GXYLT2: variants seen among roughly 807,000 people sequenced by gnomAD.
GXYLT2 encodes the protein glycosyltransferase 8 domain containing 4.
In GXYLT2, 53 loss-of-function variants were observed where a neutral mutation model predicts 45.8. The observed-to-expected ratio is 1.16, with a 90% CI of 0.93 to 1.46. The LOEUF (loss-of-function observed/expected upper bound fraction) is 1.46, where lower values mean the gene tolerates loss of function less well. Among genes scored for constraint, GXYLT2 ranks in the 40% most tolerant of loss-of-function variants. GXYLT2 has a pLI of 0.00. For synonymous variants in GXYLT2, 219 were observed against 214.2 expected, an observed-to-expected ratio of 1.02 and a Z score of -0.19; for missense variants, 551 against 544.4, an observed-to-expected ratio of 1.01 and a Z score of -0.12.
chr3:72,975,526 A>G lies in GXYLT2; in HGVS notation c.*367A>G, dbSNP rs186402074. 11 of 169,262 alleles carry G rather than the reference A, an allele frequency of 6.5e-5. No individual in the cohort carries two copies. The highest frequency in any genetic ancestry group is 2.1e-4 in the African/African-American group (9 of 42,220). 10.5% of individuals were successfully genotyped at this position (169,262 alleles called of 1,614,324 possible). On this transcript the variant is annotated 3_prime_UTR_variant, in exon 7 of 7. Coordinates refer to ENST00000389617, the MANE Select transcript of GXYLT2 (RefSeq NM_001080393.2). ...ATCTAGCATTCCTGAGACTCTTTCT[A>G]TGCAACTGACTCCCCCACACCCGTG...
intron 5 of GXYLT2, among the ~76,000 whole-genome samples, chr3:72,958,764 G>A (rs542894137): frequency 5.4e-5 from 8 of 147,366 alleles, no homozygotes; most frequent in South Asian, 2.2e-4. Context: ...CCCAAGTAGC[G>A]GAGATTACAG....
In GXYLT2 at chr3:72,922,210, C is replaced by T. The variant is rs752102970; in HGVS notation, c.475C>T (p.Gln159Ter). The change falls in exon 3 of 7, where the codon CAG becomes TAG. Residue 159 changes from glutamine to a stop codon, truncating the protein, a stop_gained. Transcript: ENST00000389617. LOFTEE classifies it high-confidence loss of function. Reference protein sequence around the residue: ...LKPEFDKQLRQWPDSYTKKFE... With the variant: ...LKPEFDKQLR ...TGCTTCCCATGTTTTTCAGTTACGC[C>T]AGTGGCCTGACTCATATACAAAGAA... The T allele has an allele frequency of 6.2e-7, 1 of 1,612,626 alleles. No individual in the cohort carries two copies. The highest frequency in any genetic ancestry group is 1.7e-5 in the Admixed American group (1 of 59,826).
intron 3 of GXYLT2, among the ~76,000 whole-genome samples, chr3:72,950,780 A>G (rs913680466): frequency 6.6e-6 from 1 of 152,206 alleles, no homozygotes; most frequent in Non-Finnish European, 1.5e-5. Flanking sequence ...ACAAATTGAA[A>G]ATGAATTTGA....
At chr3:72,921,259 A>C (rs1709829303) in intron 2 of GXYLT2, among the ~76,000 whole-genome samples, 1 of 152,124 alleles carries the variant, frequency 6.6e-6, no homozygotes, top group Non-Finnish European at 1.5e-5. Flanking sequence ...TTTCCATGTC[A>C]GTACATATCT....
intron 3 of GXYLT2, among the ~76,000 whole-genome samples, chr3:72,924,972 G>A (rs2107104980): frequency 6.6e-6 from 1 of 152,056 alleles, no homozygotes; most frequent in African/African-American, 2.4e-5. Context: ...TGATTTTGAG[G>A]TGGCTGAGGA....
At chr3:72,948,710 G>A (rs916857728) in intron 3 of GXYLT2, among the ~76,000 whole-genome samples, 22 of 151,868 alleles carry the variant, frequency 1.4e-4, no homozygotes, top group Non-Finnish European at 2.2e-4. Flanking sequence ...GGTGGTGGGC[G>A]CCTGTAATCC....
intron 3 of GXYLT2, among the ~76,000 whole-genome samples, chr3:72,949,833 C>G (rs904317141): frequency 8.6e-5 from 13 of 151,998 alleles, no homozygotes; most frequent in Non-Finnish European, 1.6e-4. Flanking sequence ...ATTACTACTA[C>G]TACCATAGCC....
At chr3:72,896,644 T>A (rs1468168196) in intron 1 of GXYLT2, among the ~76,000 whole-genome samples, 2 of 151,636 alleles carry the variant, frequency 1.3e-5, no homozygotes, top group African/African-American at 2.4e-5. Flanking sequence ...AGATCAGGAG[T>A]TCGAGACCAT....
At position 72,963,408 on chromosome 3, in the gene GXYLT2, A is replaced by G. The variant is rs562921655; in HGVS notation, c.977-4139A>G. Among the ~76,000 whole-genome samples the G allele has an allele frequency of 2.6e-5, 4 of 152,208 alleles. No homozygotes were observed. In the South Asian group the frequency reaches 6.2e-4, roughly 24 times the overall value. Reference sequence around the variant, plus strand: ...GCCAACATGGCGAAACCCTGTTTCTACTAAAAATACGAAACTCTGGCTGGG... The same window carrying G: ...GCCAACATGGCGAAACCCTGTTTCTGCTAAAAATACGAAACTCTGGCTGGG... On this transcript the variant is annotated intron_variant, in intron 5 of 6. Transcript: ENST00000389617.
intron 5 of GXYLT2, among the ~76,000 whole-genome samples, chr3:72,960,731 A>G (rs540823584): frequency 2.1e-5 from 3 of 140,254 alleles, no homozygotes; most frequent in Non-Finnish European, 4.5e-5. Flanking sequence ...AATATCTATC[A>G]CATTGTAAGG....
chr3:72,889,561 TC>T (rs994119605), intron 1 of GXYLT2, among the ~76,000 whole-genome samples: 6 of 152,160 alleles, frequency 3.9e-5, no homozygotes, highest in African/African-American at 1.4e-4. Flanking sequence ...ACCCCAACAA[TC>T]TGTCGCTTTA....
At chr3:72,967,484 C>G (rs3732442) in intron 5 of GXYLT2, 63 bp from the exon 6 acceptor site, 842,914 of 1,247,340 alleles carry the variant, frequency 0.68, 287,195 homozygotes, top group Admixed American at 0.79. Context: ...TTTAATCGTG[C>G]CACATGTGCA....
chr3:72,970,614 C>T (rs572848220), intron 6 of GXYLT2, among the ~76,000 whole-genome samples: 2 of 152,158 alleles, frequency 1.3e-5, no homozygotes, highest in African/African-American at 4.8e-5. Flanking sequence ...AATCCCAGCA[C>T]TTTGGGAGGC....
intron 2 of GXYLT2, among the ~76,000 whole-genome samples, chr3:72,921,295 TA>T (rs1212825017): frequency 2.6e-5 from 4 of 152,128 alleles, no homozygotes; most frequent in African/African-American, 7.2e-5. Flanking sequence ...ATGCAGTCAT[TA>T]GTGACAATGA....
chr3:72,904,576 C>T (rs1407694902), intron 1 of GXYLT2, among the ~76,000 whole-genome samples: 2 of 151,666 alleles, frequency 1.3e-5, no homozygotes, highest in Non-Finnish European at 2.9e-5. Flanking sequence ...ACCCAAATCA[C>T]TGAAGCCTGC....
chr3:72,937,672 G>A (rs948866745), intron 3 of GXYLT2, among the ~76,000 whole-genome samples: 9 of 152,174 alleles, frequency 5.9e-5, no homozygotes, highest in Admixed American at 1.3e-4. Flanking sequence ...ATTAGTGACA[G>A]CATTTTCTCC....
intron 3 of GXYLT2, chr3:72,928,927 C>T (rs1158045259): frequency 4.2e-6 from 3 of 716,132 alleles, no homozygotes; most frequent in East Asian, 2.7e-5. Flanking sequence ...CCCATCCCGG[C>T]CGGCCGCCCA....
At chr3:72,950,076 A>G (rs1575808418) in intron 3 of GXYLT2, among the ~76,000 whole-genome samples, 1 of 64,394 alleles carries the variant, frequency 1.6e-5, no homozygotes. Context: ...TAATCCCAGC[A>G]CTTTGGGAGG....
Position 72,934,080 on chromosome 3 carries a change from CTTT to C in GXYLT2, c.600+11762_600+11764del, listed in dbSNP as rs375690427. 6.8e-3 allele frequency among the ~76,000 whole-genome samples: 828 copies of C among 121,010 alleles called. 4 individuals are homozygous for C. The highest frequency in any genetic ancestry group is 0.016 in the African/African-American group (503 of 32,130). 79.4% of individuals were successfully genotyped at this position (121,010 alleles called of 152,430 possible). A position where few individuals can be genotyped will look rare whatever the true frequency, so the allele number is the denominator to read the frequency against. ...ATTGATAGTTAATTTTAATTTTATT[CTTT>C]TTTTTTTTTTTTTTTTGAGACAGGG... On this transcript the variant is annotated intron_variant, in intron 3 of 6. Coordinates refer to ENST00000389617, the MANE Select transcript of GXYLT2 (RefSeq NM_001080393.2).
Sources: allele counts gnomAD v4.1 joint callset (sites outside exome capture counted in the v4.1 genomes callset), GRCh38; gene constraint gnomAD v4.1.1; transcripts MANE v1.5; gene names NCBI Gene and HGNC (gene_info 2026-07-23, HGNC 2026-07-21).